The following GNAT2 variants were observed in gnomAD, a reference collection of about 807,000 sequenced individuals.
The protein encoded by GNAT2 is guanine nucleotide-binding protein G(t) subunit alpha-2.
GNAT2 carries 32 observed loss-of-function variants against 40.9 expected under a neutral mutation model. The ratio of observed to expected loss-of-function variants is 0.78; its 90% confidence interval spans 0.59 to 1.05. The LOEUF (loss-of-function observed/expected upper bound fraction) is 1.05. GNAT2 is among the 50% of genes least tolerant of loss of function. GNAT2 has a pLI of 0.00. For missense variants in GNAT2, 355 were observed against 431.5 expected (o/e 0.82, Z 1.57); for synonymous variants, 141 against 157.2 (o/e 0.90, Z 0.77).
chr1:109,609,919 G>T, intron 4 of GNAT2, 121 bp downstream of exon 4: 1 of 971,566 alleles, frequency 1.0e-6, no homozygotes, highest in Non-Finnish European at 1.7e-6. Flanking sequence ...CCACCCAGCA[G>T]GTGGGATTTT....
At chr1:109,610,610 G>C (rs1359178783) in intron 2 of GNAT2, 103 bp from the exon 3 acceptor site, 2 of 919,474 alleles carry the variant, frequency 2.2e-6, no homozygotes, top group African/African-American at 3.3e-5. Context: ...TGGGGGTCTT[G>C]TTAGGGGAGA....
At position 109,610,539 on chromosome 1, in the gene GNAT2, C is replaced by T. The variant is rs753381086; in HGVS notation, c.119-32G>A. ...GGAAAAATGCTTATGCTTTCGATTT[C>T]CACCAGTTCTCCTCAGCCTTCCAGG... is the stretch of plus-strand genomic sequence containing the variant. On this transcript the variant is annotated intron_variant, in intron 2 of 8. Coordinates refer to ENST00000679935, the MANE Select transcript of GNAT2 (RefSeq NM_001377295.2). The T allele has an allele frequency of 1.1e-5, 17 of 1,601,214 alleles. No homozygotes were observed. The South Asian group carries it at 1.8e-4, about 17-fold the overall frequency.
intron 6 of GNAT2, 25 bp downstream of exon 6, chr1:109,606,283 A>G: frequency 2.5e-6 from 4 of 1,612,900 alleles, no homozygotes; most frequent in Non-Finnish European, 8.5e-7. Flanking sequence ...TGTATCCGAG[A>G]TGCCCTAGGG....
rs1649647568 is a variant in GNAT2, at chr1:109,607,486, ACTGAGATGACTGAGAGG to A, written c.462-1067_462-1051del. ...AAAGGCAAGAGGAAGGCAGATGTGA[ACTGAGATGACTGAGAGG>A]AGGAGGGAAGTACAAGTAACACAAG... On this transcript the variant is annotated intron_variant, in intron 5 of 8. Transcript: ENST00000679935. 3.9e-5 allele frequency: 6 copies of A among 151,990 alleles called. No homozygotes were observed. In the East Asian group the frequency reaches 1.2e-3, roughly 30 times the overall value. The allele number at this position is 151,990 out of a possible 1,614,324, so 9.4% of individuals were successfully genotyped here.
chr1:109,604,423 T>C (rs546065143), intron 7 of GNAT2: 166 of 369,496 alleles, frequency 4.5e-4, no homozygotes, highest in African/African-American at 3.3e-3. Context: ...TATAGGTCTA[T>C]AATGTGTTAT....
At chr1:109,613,508 G>C (rs1649862651) in intron 1 of GNAT2, 1 of 161,832 alleles carries the variant, frequency 6.2e-6, no homozygotes, top group South Asian at 1.6e-4. Flanking sequence ...GCTGCTCCAG[G>C]AAGCTACTAG....
chr1:109,608,469 TTGC>T, intron 5 of GNAT2, 159 bp downstream of exon 5: 1 of 721,544 alleles, frequency 1.4e-6, no homozygotes, highest in Middle Eastern at 2.9e-4. Context: ...ATTCAAAACA[TTGC>T]TGAAGCCTAA....
chr1:109,607,145 TA>T (rs1203266673), intron 5 of GNAT2: 1 of 150,122 alleles, frequency 6.7e-6, no homozygotes, highest in Non-Finnish European at 1.5e-5. Context: ...AAGAAAAAGT[TA>T]TTTTTTTTAA....
In GNAT2 at chr1:109,608,743, C is replaced by G. The variant is rs147269835; in HGVS notation, c.349G>C (p.Gly117Arg). 1 of 1,613,950 alleles carries G rather than the reference C, an allele frequency of 6.2e-7. No homozygotes were observed. The highest frequency in any genetic ancestry group is 1.7e-5 in the Admixed American group (1 of 60,024). Residue 117 changes from glycine (G) to arginine (R), a missense_variant, in exon 5 of 9, where the codon GGA (glycine) becomes CGA (arginine). By Grantham distance (125) the Gly-to-Arg change is moderately radical. Transcript: ENST00000679935. ...LNNLADSIEEGTMPPELVEVI... is the reference protein window; with the variant it reads ...LNNLADSIEERTMPPELVEVI... ...TCCACGAGCTCAGGAGGCATGGTTC[C>G]CTCCTCAATGGAGTCAGCCAGGTTG...
chr1:109,608,081 T>G (rs1649665178), intron 5 of GNAT2: 1 of 184,074 alleles, frequency 5.4e-6, no homozygotes, highest in Non-Finnish European at 1.2e-5. Flanking sequence ...TACTAATTCC[T>G]GACCACCTTC....
rs1376701903 is a variant in GNAT2, at chr1:109,610,168, C to G, written c.175G>C (p.Asp59His). 2.5e-6 allele frequency: 4 copies of G among 1,613,954 alleles called. No homozygotes were observed. The highest frequency in any genetic ancestry group is 1.7e-5 in the Admixed American group (1 of 60,006). The change falls in exon 4 of 9, where the codon GAT becomes CAT. Residue 59 changes from aspartate (D) to histidine (H), a missense_variant. Transcript: ENST00000679935. ...IVKQMKIIHQDGYSPEECLEF... is the reference protein window; with the variant it reads ...IVKQMKIIHQHGYSPEECLEF... ...AGGCATTCTTCTGGTGAATAGCCAT[C>G]CTGGTGAATGATCCTGCAAGGGGCA...
At chr1:109,606,746 G>A in intron 5 of GNAT2, 1 of 355,196 alleles carries the variant, frequency 2.8e-6, no homozygotes, top group East Asian at 7.0e-5. Context: ...TTTAGTGGGT[G>A]CTAAAAGTTC....
intron 4 of GNAT2, chr1:109,609,725 A>G (rs933086304): frequency 3.6e-5 from 14 of 389,572 alleles, no homozygotes; most frequent in Non-Finnish European, 4.4e-5. Context: ...AAGCAGCCCA[A>G]TGCAAATGCA....
chr1:109,609,853 C>T (rs1649736017), intron 4 of GNAT2, 187 bp downstream of exon 4: 4 of 666,430 alleles, frequency 6.0e-6, no homozygotes, highest in East Asian at 2.7e-5. Context: ...GGTCTTACTG[C>T]GTAGATGGGT....
Position 109,606,020 on chromosome 1 carries a change from A to G in GNAT2, c.670T>C (p.Cys224Arg). 1 of 1,613,366 alleles carries G rather than the reference A, an allele frequency of 6.2e-7. No individual in the cohort carries two copies. Among genetic ancestry groups the G allele is most frequent in the Non-Finnish European group, 8.5e-7 (1 of 1,179,244 alleles). The change falls in exon 7 of 9, where the codon TGT becomes CGT. Residue 224 changes from cysteine to arginine, a missense_variant. Cys to Arg is a radical substitution (Grantham distance 180, BLOSUM62 -3). Transcript: ENST00000679935. ...CFEGVTCIIFCAALSAYDMVL... is the reference protein window; with the variant it reads ...CFEGVTCIIFRAALSAYDMVL... ...ATATCATAGGCACTGAGGGCTGCAC[A>G]GAAAATGATGCAGGTGACTCCCTCG...
chr1:109,612,493 T>C, intron 2 of GNAT2: 1 of 474,008 alleles, frequency 2.1e-6, no homozygotes. Context: ...GGTGGGTTCA[T>C]GGTGGCCCTT....
At chr1:109,609,916 GCA>G in intron 4 of GNAT2, 122 bp downstream of exon 4, 1 of 936,200 alleles carries the variant, frequency 1.1e-6, no homozygotes, top group Non-Finnish European at 1.7e-6. Context: ...ATCCCACCCA[GCA>G]GGTGGGATTT....
At chr1:109,606,285 GC>G in intron 6 of GNAT2, 22 bp downstream of exon 6, 1 of 1,612,464 alleles carries the variant, frequency 6.2e-7, no homozygotes, top group Non-Finnish European at 8.5e-7. Context: ...TATCCGAGAT[GC>G]CCTAGGGAAC....
intron 3 of GNAT2, 51 bp downstream of exon 3, chr1:109,610,414 G>C: frequency 1.3e-6 from 2 of 1,549,520 alleles, no homozygotes; most frequent in Non-Finnish European, 1.8e-6. Context: ...TCCACTGGCT[G>C]TACTGACTTC....
Sources: gnomAD v4.1 joint callset for allele counts on GRCh38, gnomAD v4.1.1 for gene constraint, MANE v1.5 for transcripts, NCBI Gene and HGNC (gene_info 2026-07-23, HGNC 2026-07-21) for gene names.